The following DYNC2I1 variants were observed in gnomAD, a reference collection of about 807,000 sequenced individuals.
The protein encoded by DYNC2I1 is dynein 2 intermediate chain 1.
In DYNC2I1, 89 loss-of-function variants were observed where a neutral mutation model predicts 133.4. That is an observed-to-expected ratio of 0.67 (90% CI 0.56 to 0.80). The LOEUF (loss-of-function observed/expected upper bound fraction) is 0.80, where lower values mean the gene tolerates loss of function less well. Among genes scored for constraint, DYNC2I1 ranks in the 30% least tolerant of loss-of-function variants. The probability of loss-of-function intolerance (pLI) is 0.00; values close to 1 mark genes in which losing one functional copy is unlikely to be tolerated. For synonymous variants in DYNC2I1, 504 were observed against 484.3 expected (o/e 1.04, Z -0.54); for missense variants, 1,291 against 1,314.5 (o/e 0.98, Z 0.28).
At chr7:158,922,608 G>A (rs1849214728) in intron 16 of DYNC2I1, 59 bp downstream of exon 16, 7 of 1,537,342 alleles carry the variant, frequency 4.6e-6, no homozygotes, top group Middle Eastern at 2.0e-4. Flanking sequence ...GACAGAGCGT[G>A]AAGGTGCAGG....
At chr7:158,885,524 T>C (rs779403751) in intron 6 of DYNC2I1, among the ~76,000 whole-genome samples, 8 of 152,040 alleles carry the variant, frequency 5.3e-5, no homozygotes, top group Non-Finnish European at 1.0e-4. Flanking sequence ...GTATTTTTGG[T>C]AGAGATGGAG....
chr7:158,918,718 A>C, intron 14 of DYNC2I1, 22 bp from the exon 15 acceptor site: 1 of 1,609,220 alleles, frequency 6.2e-7, no homozygotes, highest in South Asian at 1.1e-5. Flanking sequence ...TTTATTAAAG[A>C]CTACTCACTT....
chr7:158,862,225 G>T (rs146988781), intron 1 of DYNC2I1, among the ~76,000 whole-genome samples: 2 of 152,286 alleles, frequency 1.3e-5, no homozygotes, highest in Admixed American at 1.3e-4. Flanking sequence ...GACTATCAGG[G>T]CCACAGCCTG....
chr7:158,908,144 G>A (rs1847031510), intron 11 of DYNC2I1, among the ~76,000 whole-genome samples: 1 of 152,010 alleles, frequency 6.6e-6, no homozygotes, highest in South Asian at 2.1e-4. Context: ...GGTGAGTTCT[G>A]GCATTTGTGT....
rs71189438 is a variant in DYNC2I1, at chr7:158,937,622, G to GAAAAAAAAAAA, written c.2778+3076_2778+3086dup. On this transcript the variant is annotated intron_variant, in intron 23 of 24. Coordinates refer to ENST00000407559, the MANE Select transcript of DYNC2I1 (RefSeq NM_018051.5). ...GGGTGACAGGGTGAGACTGTCTCAA[G>GAAAAAAAAAAA]AAAAAAAAAAAAAGACACAAGGCTG... Among the ~76,000 whole-genome samples, 31 of 109,448 alleles carry GAAAAAAAAAAA rather than the reference G, an allele frequency of 2.8e-4. No homozygotes were observed. In the East Asian group the frequency reaches 5.6e-3, roughly 20 times the overall value. 71.8% of individuals were successfully genotyped at this position (109,448 alleles called of 152,430 possible).
chr7:158,851,880 T>A (rs1269394930), upstream of DYNC2I1, among the ~76,000 whole-genome samples: 1 of 152,178 alleles, frequency 6.6e-6, no homozygotes, highest in Non-Finnish European at 1.5e-5. Context: ...GCAGAATAGG[T>A]TCTTTCTTCT....
chr7:158,948,102 G>A (rs1296134762), downstream of DYNC2I1, among the ~76,000 whole-genome samples: 1 of 152,198 alleles, frequency 6.6e-6, no homozygotes, highest in Admixed American at 6.5e-5. Context: ...CGATGCCTCC[G>A]GGATCTTCCA....
At chr7:158,917,865 T>G (rs1848630572) in intron 14 of DYNC2I1, among the ~76,000 whole-genome samples, 1 of 152,216 alleles carries the variant, frequency 6.6e-6, no homozygotes, top group Non-Finnish European at 1.5e-5. Context: ...CTGTCAGTCC[T>G]CACTACACAT....
upstream of DYNC2I1, chr7:158,856,501 C>G (rs1401359331): frequency 1.0e-5 from 4 of 397,246 alleles, no homozygotes; most frequent in Non-Finnish European, 8.7e-6. Flanking sequence ...GACCACTCGG[C>G]CTTCCCCTGC....
At chr7:158,914,805 C>T (rs565329909) in intron 14 of DYNC2I1, among the ~76,000 whole-genome samples, 2 of 152,302 alleles carry the variant, frequency 1.3e-5, no homozygotes, top group African/African-American at 4.8e-5. Context: ...CCTGCCCACT[C>T]CACCACCCAC....
intron 10 of DYNC2I1, chr7:158,905,093 A>G (rs775487353): frequency 1.9e-5 from 8 of 416,666 alleles, no homozygotes; most frequent in South Asian, 1.4e-4. Context: ...ACTTGTGTCC[A>G]TTACAAAGGA....
intron 14 of DYNC2I1, among the ~76,000 whole-genome samples, chr7:158,915,375 T>G (rs1340838649): frequency 2.0e-5 from 2 of 102,390 alleles, no homozygotes; most frequent in South Asian, 3.3e-4. Flanking sequence ...TAAGGATGAT[T>G]GTGAAACGTC....
upstream of DYNC2I1, among the ~76,000 whole-genome samples, chr7:158,855,322 G>C (rs993500674): frequency 3.9e-5 from 6 of 152,150 alleles, no homozygotes; most frequent in African/African-American, 1.4e-4. Flanking sequence ...ATCAGTTCCT[G>C]GGTGAGGGGC....
intron 3 of DYNC2I1, among the ~76,000 whole-genome samples, chr7:158,876,291 A>T (rs1047451931): frequency 2.6e-5 from 4 of 152,092 alleles, no homozygotes; most frequent in African/African-American, 9.7e-5. Context: ...CCCAGGGGGA[A>T]ATTCACCCCC....
intron 1 of DYNC2I1, among the ~76,000 whole-genome samples, chr7:158,861,053 G>A (rs1169835350): frequency 6.6e-6 from 1 of 152,226 alleles, no homozygotes; most frequent in East Asian, 1.9e-4. Flanking sequence ...CCACCTCTGG[G>A]ACAACCCAGC....
At chr7:158,883,658 C>CTTTTTTTT (rs762388455) in intron 5 of DYNC2I1, among the ~76,000 whole-genome samples, 5 of 86,164 alleles carry the variant, frequency 5.8e-5, no homozygotes, top group East Asian at 4.1e-4. Context: ...CCAGTGACTT[C>CTTTTTTTT]TTTTTTTTTT....
intron 3 of DYNC2I1, among the ~76,000 whole-genome samples, chr7:158,874,260 T>C (rs1584986891): frequency 6.7e-6 from 1 of 150,292 alleles, no homozygotes; most frequent in Non-Finnish European, 1.5e-5. Flanking sequence ...CAGGCTGGAG[T>C]GCAGTGGTGT....
rs373541275 is a variant in DYNC2I1 at position 158,870,901 on chromosome 7, G to T, written c.70-241G>T. Among the ~76,000 whole-genome samples, 43 of 152,280 alleles carry T rather than the reference G, an allele frequency of 2.8e-4. 1 individual carries two copies. The South Asian group carries it at 8.9e-3, about 32-fold the overall frequency. ...TTTGCCGATCAGTGTGAATGTCCAT[G>T]ATATTGGGGCGCTGGTGGGCAGTTG... On this transcript the variant is annotated intron_variant, in intron 2 of 24. Transcript: ENST00000407559.
At chr7:158,943,341 G>A (rs546013006) in intron 24 of DYNC2I1, among the ~76,000 whole-genome samples, 2 of 152,174 alleles carry the variant, frequency 1.3e-5, no homozygotes, top group Non-Finnish European at 2.9e-5. Flanking sequence ...TGTGTGCCTG[G>A]CGGCCGGGGC....
Sources: gnomAD v4.1 joint callset for allele counts (sites outside exome capture counted in the v4.1 genomes callset) on GRCh38, gnomAD v4.1.1 for gene constraint, MANE v1.5 for transcripts, NCBI Gene and HGNC (gene_info 2026-07-23, HGNC 2026-07-21) for gene names.